SGK3: variants seen among roughly 807,000 people sequenced by gnomAD.
SGK3 encodes the protein serum/glucocorticoid regulated kinase family member 3, also known as serine/threonine-protein kinase Sgk3.
A neutral mutation model predicts 68.5 loss-of-function variants in SGK3; 47 were observed. The observed-to-expected ratio is 0.69, with a 90% CI of 0.54 to 0.87. The LOEUF (loss-of-function observed/expected upper bound fraction) is 0.87. Among genes scored for constraint, SGK3 ranks in the 40% least tolerant of loss-of-function variants. The pLI is 0.00. For synonymous variants in SGK3, 181 were observed against 189.1 expected (o/e 0.96, Z 0.35); for missense variants, 479 against 575.5 (o/e 0.83, Z 1.72).
chr8:66,729,562 A>G (rs1176531797), intron 1 of SGK3, among the ~76,000 whole-genome samples: 1 of 152,092 alleles, frequency 6.6e-6, no homozygotes, highest in Non-Finnish European at 1.5e-5. Context: ...CCTTTTGGCT[A>G]TTACATATAA....
intron 6 of SGK3, 100 bp downstream of exon 6, chr8:66,822,559 T>C (rs1274463351): frequency 2.8e-5 from 32 of 1,131,548 alleles, no homozygotes; most frequent in Admixed American, 4.5e-5. Flanking sequence ...ATTTCATCCA[T>C]AGTAGAGTTT....
At chr8:66,799,884 A>G (rs1241713902) in intron 3 of SGK3, among the ~76,000 whole-genome samples, 1 of 152,114 alleles carries the variant, frequency 6.6e-6, no homozygotes, top group African/African-American at 2.4e-5. Context: ...TCGGCCTCCT[A>G]ATGTGCTAAG....
At chr8:66,801,641 T>G (rs769827996) in intron 3 of SGK3, among the ~76,000 whole-genome samples, 1 of 151,706 alleles carries the variant, frequency 6.6e-6, no homozygotes, top group Admixed American at 6.6e-5. Flanking sequence ...CTCTGTGTCT[T>G]TCTTTCCCTC....
intron 4 of SGK3, among the ~76,000 whole-genome samples, chr8:66,805,519 CAAAA>C (rs566639848): frequency 1.3e-4 from 9 of 67,552 alleles, no homozygotes; most frequent in East Asian, 4.6e-4. Context: ...GACTTCATCT[CAAAA>C]AAAAAAAAAA....
Position 66,798,513 on chromosome 8 carries a change from T to C in SGK3, c.97-29T>C, listed in dbSNP as rs1306067461. On this transcript the variant is annotated intron_variant, in intron 2 of 16. Coordinates refer to ENST00000521198, the MANE Select transcript of SGK3 (RefSeq NM_001033578.3). ...ATGGGTTTTTTGCAATTAAATTGTG[T>C]TATATTATGTAATTTTTTATTTCCA... is the stretch of plus-strand genomic sequence containing the variant. 6 of 1,578,778 alleles carry C rather than the reference T, an allele frequency of 3.8e-6. No individual in the cohort carries two copies. The East Asian group carries it at 1.1e-4, about 30-fold the overall frequency.
chr8:66,840,294 T>C, intron 12 of SGK3, 47 bp downstream of exon 12: 1 of 1,504,092 alleles, frequency 6.6e-7, no homozygotes, highest in Non-Finnish European at 8.9e-7. Context: ...TTTTTGTTGT[T>C]GCTTTTATGC....
At chr8:66,720,734 C>T (rs1184014317) in intron 1 of SGK3, among the ~76,000 whole-genome samples, 1 of 151,458 alleles carries the variant, frequency 6.6e-6, no homozygotes, top group Non-Finnish European at 1.5e-5. Context: ...CGCACCACTG[C>T]ACTCCAGCCT....
intron 1 of SGK3, among the ~76,000 whole-genome samples, chr8:66,762,643 T>G (rs1806209168): frequency 6.6e-6 from 1 of 152,244 alleles, no homozygotes; most frequent in Admixed American, 6.5e-5. Flanking sequence ...TCAAATTGCC[T>G]CATAATTTTT....
chr8:66,758,128 T>C (rs1349720178), intron 1 of SGK3, among the ~76,000 whole-genome samples: 2 of 150,744 alleles, frequency 1.3e-5, no homozygotes, highest in Non-Finnish European at 3.0e-5. Context: ...CCAAGGCGGG[T>C]GGATCACCTG....
chr8:66,736,550 T>C (rs1805319755), intron 1 of SGK3, among the ~76,000 whole-genome samples: 2 of 151,904 alleles, frequency 1.3e-5, no homozygotes, highest in Non-Finnish European at 2.9e-5. Flanking sequence ...CTTGAACTCC[T>C]GGGCTCAAGC....
chr8:66,723,753 T>A lies in SGK3; in HGVS notation c.-122+10920T>A, dbSNP rs561902865. Among the ~76,000 whole-genome samples, 112 of 152,316 alleles carry A rather than the reference T, an allele frequency of 7.4e-4. 1 individual carries two copies. Among genetic ancestry groups the A allele is most frequent in the African/African-American group, 2.6e-3 (110 of 41,582 alleles). On this transcript the variant is annotated intron_variant, in intron 1 of 16. Coordinates refer to ENST00000521198, the MANE Select transcript of SGK3 (RefSeq NM_001033578.3). The stretch of plus-strand genomic sequence containing the variant: ...AACCACTTTGCCCAACTGTTATAAT[T>A]TGTTAAAAATAGCTCTCATGTTTTG...
At chr8:66,847,772 T>C (rs1810093888) in intron 15 of SGK3, among the ~76,000 whole-genome samples, 1 of 152,138 alleles carries the variant, frequency 6.6e-6, no homozygotes, top group South Asian at 2.1e-4. Flanking sequence ...GGTTTGGGAC[T>C]ATCTAAAGTC....
chr8:66,847,139 A>C, intron 14 of SGK3, 54 bp from the exon 15 acceptor site: 6 of 1,572,622 alleles, frequency 3.8e-6, no homozygotes, highest in Non-Finnish European at 5.1e-6. Flanking sequence ...TTTTAACCCC[A>C]TTTGCGCATA....
chr8:66,779,190 G>A (rs1806848984), intron 1 of SGK3, among the ~76,000 whole-genome samples: 1 of 152,032 alleles, frequency 6.6e-6, no homozygotes, highest in African/African-American at 2.4e-5. Context: ...ATTTACTATT[G>A]TTGAAGTTTA....
At chr8:66,805,781 A>G (rs1488950701) in intron 4 of SGK3, among the ~76,000 whole-genome samples, 1 of 152,172 alleles carries the variant, frequency 6.6e-6, no homozygotes, top group African/African-American at 2.4e-5. Flanking sequence ...TCCTTCCCCA[A>G]CTAATTTGCT....
At chr8:66,822,119 A>G (rs553716420) in intron 5 of SGK3, among the ~76,000 whole-genome samples, 3 of 152,050 alleles carry the variant, frequency 2.0e-5, no homozygotes, top group South Asian at 4.2e-4. Flanking sequence ...CATCTTCACA[A>G]ATTTGCTGCC....
At chr8:66,808,857 A>ATTAT (rs548715835) in intron 4 of SGK3, among the ~76,000 whole-genome samples, 7,590 of 150,530 alleles carry the variant, frequency 0.05, 280 homozygotes, top group African/African-American at 0.1. Context: ...GTTTGAAATA[A>ATTAT]TTATTTATTT....
At chr8:66,832,748 A>AG (rs1347909210) in intron 8 of SGK3, among the ~76,000 whole-genome samples, 1 of 152,100 alleles carries the variant, frequency 6.6e-6, no homozygotes, top group Non-Finnish European at 1.5e-5. Context: ...CAAAAAAAAA[A>AG]AAAGTCATTA....
rs1453142796 is a variant in SGK3 at position 66,828,800 on chromosome 8, A to G, written c.467+97A>G. 1.3e-5 allele frequency: 19 copies of G among 1,455,268 alleles called. No individual in the cohort carries two copies. The East Asian group carries it at 4.1e-4, about 31-fold the overall frequency. 90.1% of individuals were successfully genotyped at this position (1,455,268 alleles called of 1,614,324 possible). On this transcript the variant is annotated intron_variant, in intron 7 of 16. Transcript: ENST00000521198. Reference sequence around the variant, plus strand: ...TGTATAATTACACTAATTTAACTGTAGGCCTTTGAAATATAACCATAGTTA... The same window carrying G: ...TGTATAATTACACTAATTTAACTGTGGGCCTTTGAAATATAACCATAGTTA...
Sources: gnomAD v4.1 joint callset for allele counts (sites outside exome capture counted in the v4.1 genomes callset) on GRCh38, gnomAD v4.1.1 for gene constraint, MANE v1.5 for transcripts, NCBI Gene and HGNC (gene_info 2026-07-23, HGNC 2026-07-21) for gene names.